Variants in TIMD4 observed in about 807,000 individuals in gnomAD.
TIMD4 encodes the protein T cell immunoglobulin and mucin domain containing 4, also known as T-cell immunoglobulin and mucin domain-containing protein 4.
TIMD4 carries 31 observed loss-of-function variants against 41.2 expected under a neutral mutation model. The ratio of observed to expected loss-of-function variants is 0.75; its 90% CI spans 0.57 to 1.01. The LOEUF (loss-of-function observed/expected upper bound fraction) is 1.01. Ranked by LOEUF, TIMD4 falls within the 50% of genes least tolerant of loss-of-function variation. The probability of loss-of-function intolerance (pLI) is 0.00; values close to 1 mark genes in which losing one functional copy is unlikely to be tolerated. For missense variants in TIMD4, 479 were observed against 472.5 expected (o/e 1.01, Z -0.13); for synonymous variants, 204 against 177.1 (o/e 1.15, Z -1.21).
Position 156,954,607 on chromosome 5 carries a change from G to A in TIMD4, c.208C>T (p.Arg70Cys), listed in dbSNP as rs146619249. ...PYSGCKEALI[R>C]TDGMRVTSRK... ...GAGGTCACCCTCATTCCATCAGTGCGGATGAGCGCCTCCTTGCAACCGGAG... is the reference window on the plus strand; with the variant it reads ...GAGGTCACCCTCATTCCATCAGTGCAGATGAGCGCCTCCTTGCAACCGGAG... Residue 70 changes from arginine (R) to cysteine (C), a missense_variant, in exon 2 of 9, where the codon CGC becomes TGC. Transcript: ENST00000274532. 1.7e-5 allele frequency: 28 copies of A among 1,613,930 alleles called. No individual in the cohort carries two copies. The Admixed American group carries it at 2.0e-4, about 12-fold the overall frequency.
chr5:156,952,039 C>A (rs1759871622), intron 2 of TIMD4, among the ~76,000 whole-genome samples: 1 of 152,050 alleles, frequency 6.6e-6, no homozygotes, highest in Non-Finnish European at 1.5e-5. Context: ...CCTGTAATCC[C>A]AGCACTTTGG....
rs766071774 is a variant in TIMD4, at chr5:156,963,144, G to C, written c.55C>G (p.Leu19Val). 1.9e-6 allele frequency: 3 copies of C among 1,614,038 alleles called. No homozygotes were observed. Among genetic ancestry groups the C allele is most frequent in the Non-Finnish European group, 1.7e-6 (2 of 1,179,926 alleles). ...WLMIEFWWLY[L>V]TPVTSETVVT... Reference sequence around the variant, plus strand: ...TAGAAGGTTTCAGAACACTTACTCAGGTAAAGCCACCAAAACTCAATCATC... The same window carrying C: ...TAGAAGGTTTCAGAACACTTACTCACGTAAAGCCACCAAAACTCAATCATC... The change falls in exon 1 of 9, where the codon CTG becomes GTG. Residue 19 changes from leucine to valine, a missense_variant. Transcript: ENST00000274532.
Position 156,945,078 on chromosome 5 carries a change from A to C in TIMD4, c.844+3338T>G, listed in dbSNP as rs1246871672. 7.2e-5 allele frequency among the ~76,000 whole-genome samples: 11 copies of C among 152,056 alleles called. No homozygotes were observed. In the East Asian group the frequency reaches 2.1e-3, roughly 29 times the overall value. On this transcript the variant is annotated intron_variant, in intron 5 of 8. Coordinates refer to ENST00000274532, the MANE Select transcript of TIMD4 (RefSeq NM_138379.3). ...TGGATTGTTAGCCAGAGAAAGAAAA[A>C]CCCACAGAAGCCTGTAGGCCCTCTG...
intron 2 of TIMD4, among the ~76,000 whole-genome samples, chr5:156,953,021 A>G (rs1759892301): frequency 6.6e-6 from 1 of 152,250 alleles, no homozygotes; most frequent in Admixed American, 6.5e-5. Context: ...TTTATTCGAC[A>G]GATCTCATCC....
chr5:156,955,871 T>A (rs916683294), intron 1 of TIMD4, among the ~76,000 whole-genome samples: 9 of 152,222 alleles, frequency 5.9e-5, no homozygotes, highest in Non-Finnish European at 1.0e-4. Context: ...TAATTGTATA[T>A]ATTTATAGGA....
At chr5:156,946,649 T>C (rs375592689) in intron 5 of TIMD4, among the ~76,000 whole-genome samples, 170 of 151,500 alleles carry the variant, frequency 1.1e-3, no homozygotes, top group African/African-American at 3.8e-3. Context: ...CCTAATTTTT[T>C]TGTATTTTTT....
In TIMD4 at chr5:156,920,495, T is replaced by A; in HGVS notation, c.1021A>T (p.Met341Leu). 1 of 1,614,018 alleles carries A rather than the reference T, an allele frequency of 6.2e-7. No homozygotes were observed. Among genetic ancestry groups the A allele is most frequent in the South Asian group, 1.1e-5 (1 of 91,074 alleles). ...TGTTTCTGCGAACAATAGGTTTCCA[T>A]GAGTTTCCCTGAAAAGACAAGGCCA... Reference protein sequence around the residue: ...FVAFLLRGKLMETYCSQKHTR... With the variant: ...FVAFLLRGKLLETYCSQKHTR... Residue 341 changes from methionine (M) to leucine (L), a missense_variant, in exon 8 of 9, where the codon ATG becomes TTG. Physicochemically the swap from Met to Leu is conservative, Grantham distance 15. Transcript: ENST00000274532.
intron 2 of TIMD4, 58 bp from the exon 3 acceptor site, chr5:156,951,848 A>G: frequency 6.2e-7 from 1 of 1,600,008 alleles, no homozygotes; most frequent in Non-Finnish European, 8.5e-7. Context: ...AAAGAAAATA[A>G]TGCAAGTATA....
In TIMD4 at chr5:156,948,456, C is replaced by T. The variant is rs1316279029; in HGVS notation, c.804G>A (p.Met268Ile). 1 of 1,556,282 alleles carries T rather than the reference C, an allele frequency of 6.4e-7. No individual in the cohort carries two copies. The highest frequency in any genetic ancestry group is 8.7e-7 in the Non-Finnish European group (1 of 1,150,658). The change falls in exon 5 of 9, where the codon ATG (methionine) becomes ATA (isoleucine). Residue 268 changes from methionine to isoleucine, a missense_variant. By Grantham distance (10) the Met-to-Ile change is conservative. Transcript: ENST00000274532. The stretch of plus-strand genomic sequence containing the variant: ...AAGACACAGAATCACTCGTTTTCCA[C>T]ATTGACACGTGGGATGTTGATGGGA... ...WDLPSTSHVS[M>I]WKTSDSVSSP...
At chr5:156,957,049 A>T (rs1231763980) in intron 1 of TIMD4, among the ~76,000 whole-genome samples, 1 of 147,284 alleles carries the variant, frequency 6.8e-6, no homozygotes. Flanking sequence ...TTTTTTTTTT[A>T]AAGACAGTCT....
Position 156,951,808 on chromosome 5 carries a change from C to T in TIMD4, c.401-18G>A, listed in dbSNP as rs1175029697. On this transcript the variant is annotated intron_variant, in intron 2 of 8. Coordinates refer to ENST00000274532, the MANE Select transcript of TIMD4 (RefSeq NM_138379.3). ...TGTTGAGGCTGTAACCAACAACAGACATGTTTGGCACCAAGCGGAGATGGA... is the reference window on the plus strand; with the variant it reads ...TGTTGAGGCTGTAACCAACAACAGATATGTTTGGCACCAAGCGGAGATGGA... The T allele has an allele frequency of 1.2e-6, 2 of 1,613,372 alleles. No homozygotes were observed. The highest frequency in any genetic ancestry group is 2.2e-5 in the East Asian group (1 of 44,878).
At chr5:156,928,880 A>G (rs1759397217) in intron 5 of TIMD4, among the ~76,000 whole-genome samples, 1 of 152,226 alleles carries the variant, frequency 6.6e-6, no homozygotes, top group African/African-American at 2.4e-5. Context: ...TATTACAATC[A>G]TTTGTGATGA....
intron 5 of TIMD4, among the ~76,000 whole-genome samples, chr5:156,932,288 G>C (rs1759456878): frequency 6.6e-6 from 1 of 152,112 alleles, no homozygotes; most frequent in Non-Finnish European, 1.5e-5. Context: ...GAAACTCCAC[G>C]ATGCTTGAGG....
chr5:156,958,028 C>T (rs1760006141), intron 1 of TIMD4, among the ~76,000 whole-genome samples: 1 of 151,978 alleles, frequency 6.6e-6, no homozygotes, highest in Non-Finnish European at 1.5e-5. Flanking sequence ...AATCCCAGCA[C>T]TTTGGGAGGC....
intron 5 of TIMD4, among the ~76,000 whole-genome samples, chr5:156,933,135 A>G (rs2113354570): frequency 6.6e-6 from 1 of 152,390 alleles, no homozygotes; most frequent in South Asian, 2.1e-4. Flanking sequence ...AATGAAATTT[A>G]AAGTGAGTTT....
chr5:156,955,094 T>C (rs1042501797), intron 1 of TIMD4, among the ~76,000 whole-genome samples: 1 of 152,116 alleles, frequency 6.6e-6, no homozygotes, highest in Non-Finnish European at 1.5e-5. Flanking sequence ...GCCAGGCTTA[T>C]GTGGTTCTTT....
At chr5:156,926,230 T>C in intron 6 of TIMD4, 33 bp downstream of exon 6, 5 of 1,610,138 alleles carry the variant, frequency 3.1e-6, no homozygotes, top group Non-Finnish European at 4.2e-6. Context: ...ACTATTTAAG[T>C]GATATACTGC....
At chr5:156,954,375 A>G in intron 2 of TIMD4, 40 bp downstream of exon 2, 2 of 1,573,342 alleles carry the variant, frequency 1.3e-6, no homozygotes, top group Non-Finnish European at 1.7e-6. Context: ...TAACCACTGA[A>G]TCTCTCCTTC....
At chr5:156,947,081 C>T (rs1198852460) in intron 5 of TIMD4, among the ~76,000 whole-genome samples, 1 of 151,830 alleles carries the variant, frequency 6.6e-6, no homozygotes, top group African/African-American at 2.4e-5. Flanking sequence ...GCCTGTAGTC[C>T]CAGCTACTCA....
Sources: allele counts gnomAD v4.1 joint callset (sites outside exome capture counted in the v4.1 genomes callset), GRCh38; gene constraint gnomAD v4.1.1; transcripts MANE v1.5; gene names NCBI Gene and HGNC (gene_info 2026-07-23, HGNC 2026-07-21).